AUTS2: variants seen among roughly 807,000 people sequenced by gnomAD.
The protein encoded by AUTS2 is autism susceptibility gene 2 protein.
In AUTS2, 17 loss-of-function variants were observed where a neutral mutation model predicts 112.4. The observed-to-expected ratio is 0.15, with a 90% CI of 0.10 to 0.23. The LOEUF (loss-of-function observed/expected upper bound fraction) is 0.23, where lower values mean the gene tolerates loss of function less well. AUTS2 is among the 10% of genes least tolerant of loss of function. The pLI is 1.00. For synonymous variants in AUTS2, 751 were observed against 702.7 expected (o/e 1.07, Z -1.09); for missense variants, 1,510 against 1,701.6 (o/e 0.89, Z 1.98).
intron 2 of AUTS2, among the ~76,000 whole-genome samples, chr7:70,092,254 T>C (rs1247630389): frequency 1.3e-5 from 2 of 152,186 alleles, no homozygotes; most frequent in African/African-American, 2.4e-5. Flanking sequence ...GTAAACTTAA[T>C]TATCGCAGGA....
chr7:69,800,160 T>C (rs527739122), intron 1 of AUTS2, among the ~76,000 whole-genome samples: 140 of 152,340 alleles, frequency 9.2e-4, no homozygotes, highest in African/African-American at 3.3e-3. Flanking sequence ...TGTTTCTGAC[T>C]ATTCACTCCA....
At chr7:70,219,501 A>T (rs1339289200) in intron 4 of AUTS2, among the ~76,000 whole-genome samples, 1 of 152,158 alleles carries the variant, frequency 6.6e-6, no homozygotes, top group African/African-American at 2.4e-5. Flanking sequence ...CCAGTGGAAG[A>T]ACATTTGTAT....
chr7:70,032,297 T>C (rs781577236), intron 2 of AUTS2, among the ~76,000 whole-genome samples: 3 of 152,164 alleles, frequency 2.0e-5, no homozygotes, highest in Non-Finnish European at 4.4e-5. Context: ...AGGCTCACTG[T>C]ATGGCAAGCA....
rs1788961590 is a variant in AUTS2, at chr7:70,752,955, GTGGT to G, written c.743-9912_743-9909del. 2.0e-5 allele frequency among the ~76,000 whole-genome samples: 3 copies of G among 152,280 alleles called. No individual in the cohort carries two copies. In the South Asian group the frequency reaches 6.2e-4, roughly 32 times the overall value. On this transcript the variant is annotated intron_variant, in intron 6 of 18. Coordinates refer to ENST00000342771, the MANE Select transcript of AUTS2 (RefSeq NM_015570.4). ...ACCTGTGGTCTCCACAGTCAAGATT[GTGGT>G]TGATACACCCCCCTTGAAGGCAGAT...
At chr7:70,719,222 C>A (rs1227338687) in intron 6 of AUTS2, among the ~76,000 whole-genome samples, 1 of 152,098 alleles carries the variant, frequency 6.6e-6, no homozygotes, top group Non-Finnish European at 1.5e-5. Context: ...ACATCAGCCC[C>A]CAAGGTCAAC....
intron 6 of AUTS2, among the ~76,000 whole-genome samples, chr7:70,759,594 C>T (rs1789427766): frequency 6.6e-6 from 1 of 152,134 alleles, no homozygotes; most frequent in African/African-American, 2.4e-5. Flanking sequence ...TGCTGACGGC[C>T]ACAGCCTTGG....
At chr7:70,692,286 T>C (rs562695853) in intron 5 of AUTS2, among the ~76,000 whole-genome samples, 1 of 152,318 alleles carries the variant, frequency 6.6e-6, no homozygotes, top group South Asian at 2.1e-4. Context: ...TGCTCTCAGT[T>C]TACCCTGTAG....
At chr7:70,347,581 ACCCC>A (rs1160116586) in intron 4 of AUTS2, among the ~76,000 whole-genome samples, 1 of 152,022 alleles carries the variant, frequency 6.6e-6, no homozygotes, top group Non-Finnish European at 1.5e-5. Context: ...GCAGAAGAGA[ACCCC>A]AGCCACCTAC....
chr7:70,314,156 G>A lies in AUTS2; in HGVS notation c.661-121596G>A, dbSNP rs182188762. Among the ~76,000 whole-genome samples the A allele has an allele frequency of 2.5e-4, 38 of 152,122 alleles. 1 individual carries two copies. The East Asian group carries it at 5.6e-3, about 22-fold the overall frequency. ...ACACAGTGAGATTTCCTTTCCTTCC[G>A]TGCATGTTGTCTCTCTCTCTTTCCC... On this transcript the variant is annotated intron_variant, in intron 4 of 18. Transcript: ENST00000342771.
At chr7:70,675,760 CTT>C in intron 5 of AUTS2, among the ~76,000 whole-genome samples, 1 of 152,224 alleles carries the variant, frequency 6.6e-6, no homozygotes, top group East Asian at 1.9e-4. Context: ...GTAGCATGGG[CTT>C]CTCACAGAAC....
At chr7:70,372,607 C>A (rs1207369267) in intron 4 of AUTS2, among the ~76,000 whole-genome samples, 2 of 151,898 alleles carry the variant, frequency 1.3e-5, no homozygotes, top group Admixed American at 6.6e-5. Flanking sequence ...GATTTCCTGG[C>A]CATTTCTCAT....
In AUTS2 at chr7:70,775,207, A is replaced by T. The variant is rs998336534; in HGVS notation, c.1903-150A>T. On this transcript the variant is annotated intron_variant, in intron 12 of 18. Coordinates refer to ENST00000342771, the MANE Select transcript of AUTS2 (RefSeq NM_015570.4). Reference sequence around the variant, plus strand: ...CACTTGGCACTTTTGATAGTGTGAAAATGGGTTAATTATTCTCTAAAAGGG... The same window carrying T: ...CACTTGGCACTTTTGATAGTGTGAATATGGGTTAATTATTCTCTAAAAGGG... 1.0e-5 allele frequency: 7 copies of T among 685,906 alleles called. No individual in the cohort carries two copies. In the African/African-American group the frequency reaches 1.3e-4, roughly 12 times the overall value. The allele number at this position is 685,906 out of a possible 1,614,324, so 42.5% of individuals were successfully genotyped here. A position where few individuals can be genotyped will look rare whatever the true frequency, so the allele number is the denominator to read the frequency against.
chr7:70,740,807 C>T (rs754682669), intron 6 of AUTS2, among the ~76,000 whole-genome samples: 5 of 152,082 alleles, frequency 3.3e-5, no homozygotes, highest in Non-Finnish European at 5.9e-5. Flanking sequence ...AGAAACTTTC[C>T]CCTGGGCCAG....
At chr7:70,162,257 T>C (rs1423608073) in intron 4 of AUTS2, among the ~76,000 whole-genome samples, 1 of 150,438 alleles carries the variant, frequency 6.6e-6, no homozygotes, top group Non-Finnish European at 1.5e-5. Flanking sequence ...CCATCCCGGC[T>C]AAAACGGTGA....
chr7:69,782,427 C>T (rs10245960), intron 1 of AUTS2, among the ~76,000 whole-genome samples: 1 of 149,526 alleles, frequency 6.7e-6, no homozygotes, highest in Non-Finnish European at 1.5e-5. Flanking sequence ...CTTCCAAGGT[C>T]TCATCCAGTC....
At chr7:70,739,666 A>G (rs1563163821) in intron 6 of AUTS2, among the ~76,000 whole-genome samples, 1 of 152,048 alleles carries the variant, frequency 6.6e-6, no homozygotes, top group African/African-American at 2.4e-5. Flanking sequence ...TAAAGGTGTG[A>G]TCTGTACTCA....
chr7:70,235,591 C>T (rs1038129252), intron 4 of AUTS2, among the ~76,000 whole-genome samples: 6 of 152,094 alleles, frequency 3.9e-5, no homozygotes, highest in African/African-American at 7.2e-5. Flanking sequence ...TGCTCTGCTT[C>T]TCTTGATAGA....
chr7:69,924,946 A>G (rs184839313), intron 2 of AUTS2, among the ~76,000 whole-genome samples: 7 of 152,298 alleles, frequency 4.6e-5, no homozygotes, highest in Admixed American at 1.3e-4. Flanking sequence ...TGAAATATTC[A>G]TGTTCTTTAC....
chr7:70,559,956 CACT>C (rs1801409072), intron 5 of AUTS2, among the ~76,000 whole-genome samples: 1 of 152,192 alleles, frequency 6.6e-6, no homozygotes, highest in African/African-American at 2.4e-5. Flanking sequence ...CTTCACACCA[CACT>C]TAGAACAAAG....
Sources: gnomAD v4.1 joint callset for allele counts (sites outside exome capture counted in the v4.1 genomes callset) on GRCh38, gnomAD v4.1.1 for gene constraint, MANE v1.5 for transcripts, NCBI Gene and HGNC (gene_info 2026-07-23, HGNC 2026-07-21) for gene names.